Variants in RAB3IL1 observed in about 807,000 individuals in gnomAD.
The protein encoded by RAB3IL1 is RAB3A interacting protein like 1, also known as guanine nucleotide exchange factor for Rab-3A.
Under a neutral mutation model 49.2 loss-of-function variants are expected in RAB3IL1, and 37 were observed. The ratio of observed to expected loss-of-function variants is 0.75; its 90% CI spans 0.58 to 0.99. RAB3IL1 has a LOEUF of 0.99. Ranked by LOEUF, RAB3IL1 falls within the 50% of genes least tolerant of loss-of-function variation. The pLI, the probability that RAB3IL1 is intolerant of heterozygous loss-of-function variation, is 0.00. For synonymous variants in RAB3IL1, 193 were observed against 213.9 expected (o/e 0.90, Z 0.85); for missense variants, 484 against 513.0 (o/e 0.94, Z 0.55).
upstream of RAB3IL1, among the ~76,000 whole-genome samples, chr11:61,924,547 C>A (rs2521562): frequency 0.49 from 75,136 of 151,878 alleles, 19,596 homozygotes; most frequent in Middle Eastern, 0.62. Flanking sequence ...AGCGCCCCCA[C>A]GAAATGAATC....
chr11:61,899,028 G>A (rs1204584388), intron 9 of RAB3IL1: 4 of 545,340 alleles, frequency 7.3e-6, no homozygotes, highest in Non-Finnish European at 1.4e-5. Context: ...GTGACCAGGA[G>A]GAGGGGCCAC....
chr11:61,902,624 G>T, intron 7 of RAB3IL1, 83 bp from the exon 8 acceptor site: 2 of 1,255,090 alleles, frequency 1.6e-6, no homozygotes, highest in Non-Finnish European at 1.1e-6. Context: ...AGATGCAGCA[G>T]CTGAGAGGAT....
chr11:61,924,060 G>A (rs907987353), upstream of RAB3IL1, among the ~76,000 whole-genome samples: 2 of 152,178 alleles, frequency 1.3e-5, no homozygotes, highest in Non-Finnish European at 2.9e-5. Context: ...CTGGGCTCAG[G>A]GAGGGGCTCA....
At chr11:61,920,614 C>T (rs1939880609), upstream of RAB3IL1, among the ~76,000 whole-genome samples, 1 of 152,238 alleles carries the variant, frequency 6.6e-6, no homozygotes, top group African/African-American at 2.4e-5. Context: ...GACCACAAAC[C>T]TGAATATCCC....
At chr11:61,917,661 C>T (rs1939769188), upstream of RAB3IL1, 3 of 750,830 alleles carry the variant, frequency 4.0e-6, no homozygotes, top group African/African-American at 1.9e-5. Context: ...AAGGCCTGGC[C>T]CCACCCGGCC....
chr11:61,936,257 C>T, the RAB3IL1 span, among the ~76,000 whole-genome samples: 5 of 152,072 alleles, frequency 3.3e-5, no homozygotes, highest in Non-Finnish European at 5.9e-5. Context: ...AATAATGGCC[C>T]AAAACTTCCA....
chr11:61,915,634 T>G (rs1299438399), intron 1 of RAB3IL1, among the ~76,000 whole-genome samples: 1 of 151,902 alleles, frequency 6.6e-6, no homozygotes, highest in Non-Finnish European at 1.5e-5. Flanking sequence ...TGCCCTAACC[T>G]CTCCAGGTAC....
At chr11:61,924,058 A>C (rs1325142206), upstream of RAB3IL1, among the ~76,000 whole-genome samples, 2 of 152,212 alleles carry the variant, frequency 1.3e-5, no homozygotes, top group Non-Finnish European at 2.9e-5. Flanking sequence ...GTCTGGGCTC[A>C]GGGAGGGGCT....
the RAB3IL1 span, among the ~76,000 whole-genome samples, chr11:61,926,806 G>A: frequency 6.6e-6 from 1 of 151,998 alleles, no homozygotes; most frequent in Non-Finnish European, 1.5e-5. Context: ...GCCCGCCTCG[G>A]CCTCCCAAAG....
Position 61,906,502 on chromosome 11 carries a change from C to T in RAB3IL1, c.621G>A (p.Ala207=), listed in dbSNP as rs1356192622. The change falls in exon 5 of 10, where the codon GCG becomes GCA. Residue 207 remains alanine (A), a synonymous_variant. Coordinates refer to ENST00000394836, the MANE Select transcript of RAB3IL1 (RefSeq NM_013401.4). This position sits in a 1 kb window ranked among gnomAD's most constrained non-coding sequence, Gnocchi z 4.6. ...CTCTGTCTGGGGTGAGGGTGTGTCC[C>T]GCAGCGGGACACACGGCGGGGCAGA... ...STLCPAVCPA[A]GHTLTPDREG... is the part of the protein sequence containing the mutation. 15 of 1,548,694 alleles carry T rather than the reference C, an allele frequency of 9.7e-6. No individual in the cohort carries two copies. The highest frequency in any genetic ancestry group is 3.9e-5 in the Admixed American group (2 of 51,160).
chr11:61,939,673 G>A, the RAB3IL1 span, among the ~76,000 whole-genome samples: 2 of 151,858 alleles, frequency 1.3e-5, no homozygotes, highest in Non-Finnish European at 2.9e-5. Flanking sequence ...TTAGGAATAA[G>A]GCTGGAGTGG....
chr11:61,927,814 C>T, the RAB3IL1 span, among the ~76,000 whole-genome samples: 1 of 152,108 alleles, frequency 6.6e-6, no homozygotes, highest in Non-Finnish European at 1.5e-5. Context: ...CCTGCTTCCC[C>T]TTCACCTTCA....
intron 5 of RAB3IL1, among the ~76,000 whole-genome samples, chr11:61,905,416 G>T: frequency 6.6e-6 from 1 of 152,132 alleles, no homozygotes. Context: ...GAGGGAGAGG[G>T]AGTGGAGGCA....
intron 8 of RAB3IL1, among the ~76,000 whole-genome samples, chr11:61,900,684 A>C (rs1938866312): frequency 6.6e-6 from 1 of 151,960 alleles, no homozygotes; most frequent in Non-Finnish European, 1.5e-5. Context: ...GGGAGAAAAC[A>C]CTTCTCCCTG....
At chr11:61,927,764 C>G in the RAB3IL1 span, among the ~76,000 whole-genome samples, 1 of 152,096 alleles carries the variant, frequency 6.6e-6, no homozygotes, top group African/African-American at 2.4e-5. Context: ...AGCACCTCCC[C>G]CTTTGCTCTC....
At chr11:61,927,229 T>A in the RAB3IL1 span, among the ~76,000 whole-genome samples, 1 of 152,002 alleles carries the variant, frequency 6.6e-6, no homozygotes, top group Non-Finnish European at 1.5e-5. Context: ...TGCCCCCCCC[T>A]TAACCTTCTG....
intron 5 of RAB3IL1, among the ~76,000 whole-genome samples, 185 bp from the exon 6 acceptor site, chr11:61,905,067 CA>C (rs1591223080): frequency 6.6e-6 from 1 of 152,218 alleles, no homozygotes; most frequent in East Asian, 1.9e-4. Flanking sequence ...CTGCCCTTTG[CA>C]CCAAAGAATT....
the RAB3IL1 span, among the ~76,000 whole-genome samples, chr11:61,928,322 T>A: frequency 5.9e-5 from 9 of 152,146 alleles, no homozygotes; most frequent in African/African-American, 2.2e-4. Context: ...GGGACATGAA[T>A]GTGGGCATCT....
At chr11:61,938,732 T>C in the RAB3IL1 span, among the ~76,000 whole-genome samples, 1 of 151,840 alleles carries the variant, frequency 6.6e-6, no homozygotes, top group Non-Finnish European at 1.5e-5. Flanking sequence ...TCAAAACCAG[T>C]CTGCCCAACA....
Sources: allele counts gnomAD v4.1 joint callset (sites outside exome capture counted in the v4.1 genomes callset), GRCh38; gene constraint gnomAD v4.1.1; non-coding constraint Gnocchi (gnomAD v3.1); transcripts MANE v1.5; gene names NCBI Gene and HGNC (gene_info 2026-07-23, HGNC 2026-07-21).